The following PIP5K1C variants were observed in gnomAD, a reference collection of about 807,000 sequenced individuals.
PIP5K1C encodes the protein phosphatidylinositol-4-phosphate 5-kinase type 1 gamma.
A neutral mutation model predicts 80.1 loss-of-function variants in PIP5K1C; 45 were observed. The ratio of observed to expected loss-of-function variants is 0.56; its 90% confidence interval spans 0.44 to 0.72. PIP5K1C has a LOEUF of 0.72. PIP5K1C is among the 30% of genes least tolerant of loss of function. The pLI, the probability that PIP5K1C is intolerant of heterozygous loss-of-function variation, is 0.00. For missense variants in PIP5K1C, 753 were observed against 954.6 expected, an observed-to-expected ratio of 0.79 and a Z score of 2.78; for synonymous variants, 498 against 420.1, an observed-to-expected ratio of 1.19 and a Z score of -2.27.
At chr19:3,663,635 G>A (rs1472015476) in intron 3 of PIP5K1C, among the ~76,000 whole-genome samples, 1 of 152,316 alleles carries the variant, frequency 6.6e-6, no homozygotes, top group Non-Finnish European at 1.5e-5. Context: ...GCAACATGGT[G>A]AAACCCCTGT....
chr19:3,662,442 C>T (rs1197244819), intron 3 of PIP5K1C, among the ~76,000 whole-genome samples: 4 of 152,244 alleles, frequency 2.6e-5, no homozygotes, highest in African/African-American at 4.8e-5. Context: ...TTCTATGTAA[C>T]GCACGTGGTC....
Position 3,653,530 on chromosome 19 carries a change from C to T in PIP5K1C, c.681G>A (p.Gln227=), listed in dbSNP as rs2034523299. The T allele has an allele frequency of 6.2e-7, 1 of 1,613,828 alleles. No individual in the cohort carries two copies. The highest frequency in any genetic ancestry group is 1.3e-5 in the African/African-American group (1 of 75,066). Residue 227 remains glutamine (Q), a synonymous_variant, in exon 7 of 18, where the codon CAG becomes CAA. Coordinates refer to ENST00000335312, the MANE Select transcript of PIP5K1C (RefSeq NM_012398.3). ...LPKFYGLYCV[Q]SGGKNIRVVV... is the part of the protein sequence containing the mutation. ...CGACGCGGATGTTCTTGCCCCCCGA[C>T]TGCACGCAGTACAGCCCATAGAACT...
Position 3,692,124 on chromosome 19 carries a change from T to G in PIP5K1C, c.94+8173A>C, listed in dbSNP as rs1302939045. Reference sequence around the variant, plus strand: ...CCATGGGCAGGGCCGGCTCTGAGCCTTTTGTGTGCATTGACTCATCTAATC... The same window carrying G: ...CCATGGGCAGGGCCGGCTCTGAGCCGTTTGTGTGCATTGACTCATCTAATC... On this transcript the variant is annotated intron_variant, in intron 1 of 17. Transcript: ENST00000335312. The surrounding 1 kb of genome is among the most constrained non-coding windows in gnomAD (Gnocchi z 5.2). Among the ~76,000 whole-genome samples the G allele has an allele frequency of 6.6e-5, 10 of 152,206 alleles. No individual in the cohort carries two copies. The highest frequency in any genetic ancestry group is 1.3e-4 in the Non-Finnish European group (9 of 68,022).
Position 3,637,774 on chromosome 19 carries a change from G to C in PIP5K1C, c.1920+1110C>G, listed in dbSNP as rs1242380441. On this transcript the variant is annotated intron_variant, in intron 16 of 17. Coordinates refer to ENST00000335312, the MANE Select transcript of PIP5K1C (RefSeq NM_012398.3). The surrounding 1 kb of genome is among the most constrained non-coding windows in gnomAD (Gnocchi z 7.0). Reference sequence around the variant, plus strand: ...AGAAGGTGGGGGGTGCCGGGGCAGGGGCAGGACCGAGGACCCTTCTCCCTT... The same window carrying C: ...AGAAGGTGGGGGGTGCCGGGGCAGGCGCAGGACCGAGGACCCTTCTCCCTT... 1 of 1,532,802 alleles carries C rather than the reference G, an allele frequency of 6.5e-7. No homozygotes were observed. The highest frequency in any genetic ancestry group is 2.4e-5 in the East Asian group (1 of 40,886). The allele number at this position is 1,532,802 out of a possible 1,614,324, so 95.0% of individuals were successfully genotyped here.
At position 3,693,753 on chromosome 19, in the gene PIP5K1C, C is replaced by T. The variant is rs532663390; in HGVS notation, c.94+6544G>A. 3.9e-5 allele frequency among the ~76,000 whole-genome samples: 6 copies of T among 152,286 alleles called. No individual in the cohort carries two copies. In the South Asian group the frequency reaches 6.2e-4, roughly 16 times the overall value. ...TGTCCTGCCAGGCACTCAGGACACC[C>T]GCAGCTCTTGTTCCAAAAGGGAAAG... On this transcript the variant is annotated intron_variant, in intron 1 of 17. Transcript: ENST00000335312.
chr19:3,642,882 G>A (rs772166396), intron 14 of PIP5K1C, 25 bp downstream of exon 14: 1 of 1,604,810 alleles, frequency 6.2e-7, no homozygotes, highest in Non-Finnish European at 8.5e-7. Context: ...GTGAGACCCA[G>A]GGAAGGAAGG....
intron 14 of PIP5K1C, 133 bp downstream of exon 14, chr19:3,642,774 A>G: frequency 1.3e-6 from 1 of 777,112 alleles, no homozygotes; most frequent in Non-Finnish European, 2.3e-6. Flanking sequence ...GCTAGGGCCG[A>G]GTGCTACAAT....
chr19:3,661,838 GGT>G, intron 4 of PIP5K1C, 31 bp downstream of exon 4: 2 of 1,608,260 alleles, frequency 1.2e-6, no homozygotes, highest in Admixed American at 3.3e-5. Flanking sequence ...GTGTGTGCTG[GGT>G]GAGCCCTGAG....
At position 3,642,978 on chromosome 19, in the gene PIP5K1C, A is replaced by T. The variant is rs73532065; in HGVS notation, c.1650-39T>A. The stretch of plus-strand genomic sequence containing the variant: ...GCAAACACGTGACACCCAGAAAGAG[A>T]GTGGCCCGCCTGCTCAGTCTACCTG... On this transcript the variant is annotated intron_variant, in intron 13 of 17. Coordinates refer to ENST00000335312, the MANE Select transcript of PIP5K1C (RefSeq NM_012398.3). The T allele has an allele frequency of 4.0e-4, 640 of 1,611,162 alleles. 2 individuals carry two copies. The African/African-American group carries it at 6.2e-3, about 16-fold the overall frequency.
At chr19:3,677,271 G>T (rs1316797416) in intron 1 of PIP5K1C, among the ~76,000 whole-genome samples, 1 of 151,896 alleles carries the variant, frequency 6.6e-6, no homozygotes, top group African/African-American at 2.4e-5. Flanking sequence ...AAGGAATGAA[G>T]ACTGAAAAGA....
At chr19:3,658,265 C>T (rs1250697072) in intron 5 of PIP5K1C, among the ~76,000 whole-genome samples, 2 of 152,232 alleles carry the variant, frequency 1.3e-5, no homozygotes, top group Admixed American at 6.5e-5. Context: ...CTCAGAACAG[C>T]GAGGGTCCTT....
Position 3,648,646 on chromosome 19 carries a change from A to G in PIP5K1C, c.1190T>C (p.Ile397Thr). The change falls in exon 9 of 18, where the codon ATC becomes ACC. Residue 397 changes from isoleucine (I) to threonine (T), a missense_variant. Transcript: ENST00000335312. This position sits in a 1 kb window ranked among gnomAD's most constrained non-coding sequence, Gnocchi z 4.3. ...CCACCTGTAGGACTGCAGGATGTCG[A>G]TGATGCCAATGTGCAGCAGCAGCCG... ...GERLLLHIGI[I>T]DILQSYRFIK... 1 of 1,613,050 alleles carries G rather than the reference A, an allele frequency of 6.2e-7. No homozygotes were observed. The highest frequency in any genetic ancestry group is 1.1e-5 in the South Asian group (1 of 91,088).
intron 16 of PIP5K1C, chr19:3,636,893 G>C (rs1169274585): frequency 1.0e-6 from 1 of 1,001,536 alleles, no homozygotes; most frequent in Non-Finnish European, 1.2e-6. Context: ...ACAACAGCAG[G>C]CCCTGAGGAT....
chr19:3,666,033 C>A (rs1226288377), intron 2 of PIP5K1C, among the ~76,000 whole-genome samples: 1 of 152,168 alleles, frequency 6.6e-6, no homozygotes, highest in Non-Finnish European at 1.5e-5. Flanking sequence ...CGCCAGGGGG[C>A]AGGCTCTCCC....
At chr19:3,673,047 G>A (rs1439915445) in intron 1 of PIP5K1C, among the ~76,000 whole-genome samples, 1 of 90,320 alleles carries the variant, frequency 1.1e-5, no homozygotes, top group Non-Finnish European at 2.1e-5. Context: ...CCGCAGACAA[G>A]GGTCTCCCCA....
intron 1 of PIP5K1C, among the ~76,000 whole-genome samples, chr19:3,698,309 G>A (rs537502828): frequency 2.6e-5 from 4 of 152,358 alleles, no homozygotes; most frequent in South Asian, 4.1e-4. Flanking sequence ...CTTCACAGAC[G>A]GGACGCTGAA....
chr19:3,688,008 G>A lies in PIP5K1C; in HGVS notation c.94+12289C>T, dbSNP rs775903074. 2.0e-5 allele frequency among the ~76,000 whole-genome samples: 3 copies of A among 152,358 alleles called. No homozygotes were observed. Among genetic ancestry groups the A allele is most frequent in the South Asian group, 2.1e-4 (1 of 4,832 alleles). On this transcript the variant is annotated intron_variant, in intron 1 of 17. Transcript: ENST00000335312. The surrounding 1 kb of genome is among the most constrained non-coding windows in gnomAD (Gnocchi z 5.3). ...CGGGCGGGCCGGGGCAGGAGGCTGT[G>A]GGGCGTGGCCAGCCCGCAGGTGGCG...
At chr19:3,643,635 C>T (rs2034076898) in intron 12 of PIP5K1C, among the ~76,000 whole-genome samples, 1 of 152,072 alleles carries the variant, frequency 6.6e-6, no homozygotes, top group African/African-American at 2.4e-5. Context: ...CTCCACTCTC[C>T]CTCCCCGCTG....
chr19:3,639,554 C>A (rs1019421790), intron 15 of PIP5K1C, among the ~76,000 whole-genome samples: 8 of 152,190 alleles, frequency 5.3e-5, no homozygotes, highest in Non-Finnish European at 1.2e-4. Context: ...ACCTTGGCCT[C>A]CCAAGTAGCT....
Sources: gnomAD v4.1 joint callset for allele counts (sites outside exome capture counted in the v4.1 genomes callset) on GRCh38, gnomAD v4.1.1 for gene constraint, Gnocchi (gnomAD v3.1) non-coding constraint, MANE v1.5 for transcripts, NCBI Gene and HGNC (gene_info 2026-07-23, HGNC 2026-07-21) for gene names.